THSD7B: variants seen among roughly 807,000 people sequenced by gnomAD.
THSD7B encodes thrombospondin type 1 domain containing 7B, also known as thrombospondin type-1 domain-containing protein 7B.
A neutral mutation model predicts 213.6 loss-of-function variants in THSD7B; 138 were observed. The ratio of observed to expected loss-of-function variants is 0.65; its 90% CI spans 0.56 to 0.74. THSD7B has a LOEUF of 0.74. Among genes scored for constraint, THSD7B ranks in the 30% least tolerant of loss-of-function variants. The probability of loss-of-function intolerance (pLI) is 0.00; values close to 1 mark genes in which losing one functional copy is unlikely to be tolerated. For synonymous variants in THSD7B, 742 were observed against 687.0 expected (o/e 1.08, Z -1.25); for missense variants, 1,931 against 1,991.5 (o/e 0.97, Z 0.58).
chr2:136,990,024 C>T (rs1379409938), intron 2 of THSD7B, among the ~76,000 whole-genome samples: 2 of 152,162 alleles, frequency 1.3e-5, no homozygotes, highest in Non-Finnish European at 2.9e-5. Flanking sequence ...AAATAGTCCT[C>T]ATTGAATTGG....
rs184533846 is a variant in THSD7B, at chr2:137,577,298, G to A, written c.3423+4742G>A. Among the ~76,000 whole-genome samples, 441 of 152,172 alleles carry A rather than the reference G, an allele frequency of 2.9e-3. 4 individuals carry two copies. Among genetic ancestry groups the A allele is most frequent in the African/African-American group, 9.9e-3 (412 of 41,542 alleles). ...CCATATGAGGCACTGCAAGAAGGGT[G>A]CCTCATTTCGTGCATTGGAGCAGTG... On this transcript the variant is annotated intron_variant, in intron 17 of 27. Coordinates refer to ENST00000409968, the MANE Select transcript of THSD7B (RefSeq NM_001316349.2).
chr2:137,498,114 T>C (rs193207014), intron 15 of THSD7B, among the ~76,000 whole-genome samples: 1 of 152,336 alleles, frequency 6.6e-6, no homozygotes, highest in East Asian at 1.9e-4. Flanking sequence ...CTACAACAGC[T>C]AATAAATTTG....
At chr2:137,216,461 C>G (rs535138578) in intron 7 of THSD7B, among the ~76,000 whole-genome samples, 2 of 152,140 alleles carry the variant, frequency 1.3e-5, no homozygotes, top group South Asian at 4.1e-4. Context: ...TTAGTTTTGA[C>G]AGGCTTGAGA....
intron 15 of THSD7B, among the ~76,000 whole-genome samples, chr2:137,551,174 T>A (rs886386265): frequency 6.6e-6 from 1 of 152,118 alleles, no homozygotes; most frequent in Non-Finnish European, 1.5e-5. Flanking sequence ...AGGTCTGTTA[T>A]ATGCATATAT....
intron 2 of THSD7B, among the ~76,000 whole-genome samples, chr2:136,962,472 GC>G (rs1489616980): frequency 2.3e-5 from 3 of 128,316 alleles, no homozygotes; most frequent in Admixed American, 9.6e-5. Context: ...AGAAGACATT[GC>G]ATGGGAATAG....
chr2:137,623,425 C>T (rs184503514), intron 20 of THSD7B, among the ~76,000 whole-genome samples: 4,448 of 152,134 alleles, frequency 0.029, 169 homozygotes, highest in African/African-American at 0.088. Context: ...GCACAAGACA[C>T]AGATGCCCTC....
chr2:137,472,110 C>T (rs1477394891), intron 15 of THSD7B, among the ~76,000 whole-genome samples: 1 of 152,176 alleles, frequency 6.6e-6, no homozygotes, highest in Non-Finnish European at 1.5e-5. Context: ...TCCTCCTGTT[C>T]ATATTGCAGT....
At chr2:137,567,804 G>A (rs1270702950) in intron 16 of THSD7B, among the ~76,000 whole-genome samples, 3 of 152,098 alleles carry the variant, frequency 2.0e-5, no homozygotes, top group Non-Finnish European at 4.4e-5. Context: ...TAAATTTGAG[G>A]TGATAGTAGC....
At chr2:137,668,892 GC>G (rs1018876644) in intron 27 of THSD7B, among the ~76,000 whole-genome samples, 73 of 152,160 alleles carry the variant, frequency 4.8e-4, no homozygotes, top group African/African-American at 1.7e-3. Flanking sequence ...TACTGACTAG[GC>G]TGAGGAGGAG....
chr2:136,937,038 A>C (rs1236933020), intron 2 of THSD7B, among the ~76,000 whole-genome samples: 3 of 152,124 alleles, frequency 2.0e-5, no homozygotes, highest in Non-Finnish European at 4.4e-5. Flanking sequence ...AAATTGACTA[A>C]GTTGTGCAAC....
chr2:137,270,386 A>G (rs966991481), intron 10 of THSD7B, among the ~76,000 whole-genome samples: 22 of 152,110 alleles, frequency 1.4e-4, no homozygotes, highest in African/African-American at 5.3e-4. Context: ...GATCCTATAC[A>G]TCTCCTTAAC....
intron 15 of THSD7B, among the ~76,000 whole-genome samples, chr2:137,557,564 A>C (rs1240570159): frequency 1.3e-5 from 2 of 152,198 alleles, no homozygotes; most frequent in African/African-American, 2.4e-5. Flanking sequence ...CATTTAAAGC[A>C]GTGTGTAGAG....
At chr2:137,248,879 A>G (rs1050548466) in intron 10 of THSD7B, among the ~76,000 whole-genome samples, 1 of 152,168 alleles carries the variant, frequency 6.6e-6, no homozygotes, top group African/African-American at 2.4e-5. Context: ...TCTTTTCCAA[A>G]GAGTTTTTTG....
At chr2:137,276,923 T>G (rs970787851) in intron 12 of THSD7B, among the ~76,000 whole-genome samples, 1 of 152,096 alleles carries the variant, frequency 6.6e-6, no homozygotes, top group Admixed American at 6.6e-5. Context: ...GGTAGTTTGA[T>G]TTAAGATTGC....
intron 2 of THSD7B, among the ~76,000 whole-genome samples, chr2:137,024,245 G>C: frequency 6.6e-6 from 1 of 152,156 alleles, no homozygotes; most frequent in East Asian, 1.9e-4. Context: ...AGACTAAACT[G>C]ATTGGTGGTG....
chr2:136,885,920 A>T (rs1173878871), intron 2 of THSD7B, among the ~76,000 whole-genome samples: 2 of 152,168 alleles, frequency 1.3e-5, no homozygotes, highest in Admixed American at 6.5e-5. Context: ...GGAGACTAAA[A>T]GCTTAAGGAG....
At chr2:136,810,676 T>G (rs1682360297) in intron 1 of THSD7B, among the ~76,000 whole-genome samples, 1 of 152,226 alleles carries the variant, frequency 6.6e-6, no homozygotes, top group Non-Finnish European at 1.5e-5. Flanking sequence ...CACATGAAAG[T>G]TCAGGTGTTA....
intron 1 of THSD7B, among the ~76,000 whole-genome samples, chr2:136,855,906 C>A (rs980620244): frequency 6.6e-6 from 1 of 151,916 alleles, no homozygotes; most frequent in Admixed American, 6.6e-5. Flanking sequence ...GCCTGGATTA[C>A]CCCCCTCCTT....
intron 12 of THSD7B, among the ~76,000 whole-genome samples, chr2:137,286,580 A>AGTAGTTTCTTCTATTTACTTCGAGGT (rs1573935218): frequency 6.6e-6 from 1 of 152,284 alleles, no homozygotes; most frequent in East Asian, 1.9e-4. Flanking sequence ...ATCTACCTAC[A>AGTAGTTTCTTCTATTTACTTCGAGGT]TCAGAAGCAA....
Sources: gnomAD v4.1 joint callset for allele counts (sites outside exome capture counted in the v4.1 genomes callset) on GRCh38, gnomAD v4.1.1 for gene constraint, MANE v1.5 for transcripts, NCBI Gene and HGNC (gene_info 2026-07-23, HGNC 2026-07-21) for gene names.